CEP128: variants seen among roughly 807,000 people sequenced by gnomAD.
CEP128 encodes centrosomal protein 128kDa.
In CEP128, 132 loss-of-function variants were observed where a neutral mutation model predicts 156.7. That is an observed-to-expected ratio of 0.84 (90% CI 0.73 to 0.97). The LOEUF (loss-of-function observed/expected upper bound fraction) is 0.97, where lower values mean the gene tolerates loss of function less well. CEP128 is among the 50% of genes least tolerant of loss of function. The pLI is 0.00. For synonymous variants in CEP128, 469 were observed against 448.9 expected (o/e 1.04, Z -0.57); for missense variants, 1,252 against 1,281.9 (o/e 0.98, Z 0.36).
chr14:80,642,235 G>A (rs1894446440), intron 19 of CEP128, among the ~76,000 whole-genome samples: 1 of 152,154 alleles, frequency 6.6e-6, no homozygotes. Context: ...GAGACACGTA[G>A]AAACACCTCA....
chr14:80,770,313 C>A (rs1056161581), intron 16 of CEP128, among the ~76,000 whole-genome samples: 1 of 152,306 alleles, frequency 6.6e-6, no homozygotes, highest in Non-Finnish European at 1.5e-5. Context: ...TAGCTGTGTT[C>A]TAATTCAGAA....
chr14:80,500,968 C>A (rs924187195), intron 24 of CEP128, among the ~76,000 whole-genome samples: 1 of 151,334 alleles, frequency 6.6e-6, no homozygotes, highest in African/African-American at 2.4e-5. Flanking sequence ...TTTTTATTTG[C>A]TCTTTCTCTG....
intron 19 of CEP128, among the ~76,000 whole-genome samples, chr14:80,702,256 C>T (rs1359438620): frequency 6.6e-6 from 1 of 152,092 alleles, no homozygotes; most frequent in Non-Finnish European, 1.5e-5. Flanking sequence ...AGGCACTAAA[C>T]AAATATTTCT....
At chr14:80,749,816 T>A (rs1220902881) in intron 18 of CEP128, among the ~76,000 whole-genome samples, 1 of 152,212 alleles carries the variant, frequency 6.6e-6, no homozygotes, top group East Asian at 1.9e-4. Flanking sequence ...AGGTGATAGA[T>A]ATCCCTTTTA....
chr14:80,688,229 A>G (rs964366039), intron 19 of CEP128, among the ~76,000 whole-genome samples: 1 of 152,170 alleles, frequency 6.6e-6, no homozygotes, highest in Non-Finnish European at 1.5e-5. Context: ...AATAGCAACA[A>G]AAAATGTTCC....
chr14:80,695,577 C>T (rs1172363337), intron 19 of CEP128, among the ~76,000 whole-genome samples: 5 of 151,898 alleles, frequency 3.3e-5, no homozygotes, highest in Admixed American at 1.3e-4. Flanking sequence ...ATTAGCCGGG[C>T]GTGGTGGTGC....
rs779435523 is a variant in CEP128, at chr14:80,614,066, G to C, written c.2807-33643C>G. 7.0e-4 allele frequency among the ~76,000 whole-genome samples: 107 copies of C among 151,944 alleles called. 3 individuals carry two copies. The highest frequency in any genetic ancestry group is 2.2e-4 in the Non-Finnish European group (15 of 67,964). ...GACAAGACTAGATTTTTAAATAACAGAGGGGAAAGAGTCAAGGACAAGGAG... is the reference window on the plus strand; with the variant it reads ...GACAAGACTAGATTTTTAAATAACACAGGGGAAAGAGTCAAGGACAAGGAG... On this transcript the variant is annotated intron_variant, in intron 19 of 24. Transcript: ENST00000555265.
At chr14:80,486,415 G>A (rs980350294), downstream of CEP128, among the ~76,000 whole-genome samples, 5 of 152,012 alleles carry the variant, frequency 3.3e-5, no homozygotes, top group African/African-American at 9.7e-5. Context: ...AAAGTGACAG[G>A]GAGAATGGAA....
At chr14:80,600,212 C>A (rs896486819) in intron 19 of CEP128, among the ~76,000 whole-genome samples, 2 of 152,190 alleles carry the variant, frequency 1.3e-5, no homozygotes, top group South Asian at 4.2e-4. Context: ...AAAGATAATT[C>A]CCAAAGGAAT....
intron 19 of CEP128, among the ~76,000 whole-genome samples, chr14:80,611,485 A>G (rs1455210217): frequency 6.6e-6 from 1 of 152,166 alleles, no homozygotes; most frequent in South Asian, 2.1e-4. Flanking sequence ...CAAATGTGTT[A>G]AAATATTGTA....
intron 19 of CEP128, among the ~76,000 whole-genome samples, chr14:80,606,544 T>C (rs904357096): frequency 2.0e-5 from 3 of 152,104 alleles, no homozygotes; most frequent in South Asian, 2.1e-4. Context: ...GAACAGTACA[T>C]ATAATCATAA....
At chr14:80,711,830 A>T (rs556796261) in intron 19 of CEP128, among the ~76,000 whole-genome samples, 1 of 152,222 alleles carries the variant, frequency 6.6e-6, no homozygotes, top group African/African-American at 2.4e-5. Context: ...CCCCATAAAT[A>T]TATACACCTA....
intron 20 of CEP128, among the ~76,000 whole-genome samples, chr14:80,565,384 G>C (rs1257514933): frequency 1.2e-4 from 18 of 152,038 alleles, no homozygotes; most frequent in Admixed American, 1.2e-3. Context: ...TTTGGCAAGC[G>C]CCTGCTTGCC....
intron 24 of CEP128, among the ~76,000 whole-genome samples, chr14:80,499,677 A>C (rs1324441946): frequency 6.6e-6 from 1 of 152,208 alleles, no homozygotes; most frequent in Non-Finnish European, 1.5e-5. Flanking sequence ...GTCTTAAAAA[A>C]CTAGAGATTT....
chr14:80,955,210 T>G, intron 2 of CEP128: 1 of 266,846 alleles, frequency 3.7e-6, no homozygotes, highest in Non-Finnish European at 7.4e-6. Flanking sequence ...GGATAAGGAG[T>G]GCGTGCGAGT....
At position 80,756,892 on chromosome 14, in the gene CEP128, C is replaced by T. The variant is rs749848373; in HGVS notation, c.2613G>A (p.Lys871=). 4 of 1,576,826 alleles carry T rather than the reference C, an allele frequency of 2.5e-6. No individual in the cohort carries two copies. Among genetic ancestry groups the T allele is most frequent in the Non-Finnish European group, 3.5e-6 (4 of 1,148,630 alleles). The change falls in exon 18 of 25, where the codon AAG becomes AAA. Residue 871 remains lysine, a splice_region_variant and synonymous_variant. Coordinates refer to ENST00000555265, the MANE Select transcript of CEP128 (RefSeq NM_152446.5). ...YDPHRWLAES[K]TKLQWLCEEL... is the part of the protein sequence containing the mutation. The stretch of plus-strand genomic sequence containing the variant: ...ACTTTAGGATTTAAAGATTAATTAC[C>T]TTGCTTTCTGCTAACCAGCGATGTG...
At chr14:80,617,739 G>A (rs979108389) in intron 19 of CEP128, among the ~76,000 whole-genome samples, 7 of 151,594 alleles carry the variant, frequency 4.6e-5, no homozygotes, top group African/African-American at 1.2e-4. Flanking sequence ...CCCAGGAGTC[G>A]GAGACCAGCC....
intron 19 of CEP128, among the ~76,000 whole-genome samples, chr14:80,602,641 C>A (rs1162220683): frequency 2.0e-5 from 3 of 152,064 alleles, no homozygotes; most frequent in African/African-American, 7.2e-5. Flanking sequence ...GGCATGGTGG[C>A]ATGCACCTGT....
chr14:80,667,833 G>A (rs566056969), intron 19 of CEP128, among the ~76,000 whole-genome samples: 4 of 141,144 alleles, frequency 2.8e-5, no homozygotes, highest in Admixed American at 7.5e-5. Flanking sequence ...ACTCCAGCCT[G>A]GGCAACAGAG....
Sources: gnomAD v4.1 joint callset for allele counts (sites outside exome capture counted in the v4.1 genomes callset) on GRCh38, gnomAD v4.1.1 for gene constraint, MANE v1.5 for transcripts, NCBI Gene and HGNC (gene_info 2026-07-23, HGNC 2026-07-21) for gene names.